KIRREL3: variants seen among roughly 807,000 people sequenced by gnomAD.
KIRREL3 encodes kin of IRRE-like protein 3.
Under a neutral mutation model 89.7 loss-of-function variants are expected in KIRREL3, and 36 were observed. That is an observed-to-expected ratio of 0.40 (90% CI 0.31 to 0.53). The LOEUF is 0.53. KIRREL3 is among the 20% of genes least tolerant of loss of function. KIRREL3 has a pLI of 0.49. For synonymous variants in KIRREL3, 445 were observed against 441.4 expected, an observed-to-expected ratio of 1.01 and a Z score of -0.10; for missense variants, 864 against 1,056.6, an observed-to-expected ratio of 0.82 and a Z score of 2.53.
At chr11:126,426,395 C>T (rs901006275) in intron 15 of KIRREL3, among the ~76,000 whole-genome samples, 4 of 152,194 alleles carry the variant, frequency 2.6e-5, no homozygotes, top group Admixed American at 2.6e-4. Flanking sequence ...TGGTTCAGTG[C>T]TTTGCATGTT....
chr11:126,879,006 C>T lies in KIRREL3; in HGVS notation c.55+121449G>A, dbSNP rs1945397835. Among the ~76,000 whole-genome samples, 1 of 152,162 alleles carries T rather than the reference C, an allele frequency of 6.6e-6. No homozygotes were observed. Among genetic ancestry groups the T allele is most frequent in the Non-Finnish European group, 1.5e-5 (1 of 68,026 alleles). On this transcript the variant is annotated intron_variant, in intron 1 of 16. Coordinates refer to ENST00000525144, the MANE Select transcript of KIRREL3 (RefSeq NM_032531.4). The surrounding 1 kb of genome is among the most constrained non-coding windows in gnomAD (Gnocchi z 5.4). ...TGCAATATTAAAGACGATCTCTCTC[C>T]TAATCAGTGTATCTTTCTTCCTTAC... is the stretch of plus-strand genomic sequence containing the variant.
chr11:126,738,341 G>T (rs1389630167), intron 1 of KIRREL3, among the ~76,000 whole-genome samples: 2 of 152,046 alleles, frequency 1.3e-5, no homozygotes, highest in Non-Finnish European at 2.9e-5. Flanking sequence ...GCGCTCTCTT[G>T]CTTCCTCACT....
intron 1 of KIRREL3, among the ~76,000 whole-genome samples, chr11:126,803,272 T>A (rs915181139): frequency 6.6e-6 from 1 of 152,074 alleles, no homozygotes; most frequent in African/African-American, 2.4e-5. Context: ...TGAACACAAC[T>A]GAGCTGGGCC....
rs1948894068 is a variant in KIRREL3, at chr11:126,739,006, T to C, written c.56-176094A>G. Among the ~76,000 whole-genome samples the C allele has an allele frequency of 6.6e-6, 1 of 152,218 alleles. No individual in the cohort carries two copies. Among genetic ancestry groups the C allele is most frequent in the Non-Finnish European group, 1.5e-5 (1 of 68,044 alleles). On this transcript the variant is annotated intron_variant, in intron 1 of 16. Transcript: ENST00000525144. This position sits in a 1 kb window ranked among gnomAD's most constrained non-coding sequence, Gnocchi z 5.5. ...TCAGATATATATTATCTAATTCTCA[T>C]AACACTACAACAATCTTGAAAGGCG...
At chr11:126,460,194 C>A (rs899830492) in intron 6 of KIRREL3, among the ~76,000 whole-genome samples, 1 of 152,064 alleles carries the variant, frequency 6.6e-6, no homozygotes, top group African/African-American at 2.4e-5. Context: ...AGGCTAGGGG[C>A]GGTGAGCGCG....
intron 1 of KIRREL3, among the ~76,000 whole-genome samples, chr11:126,836,436 G>A (rs111809140): frequency 0.013 from 2,044 of 151,770 alleles, 46 homozygotes; most frequent in African/African-American, 0.047. Flanking sequence ...TATGATAAGG[G>A]TCTGAGCCAA....
intron 1 of KIRREL3, among the ~76,000 whole-genome samples, chr11:126,626,423 A>C (rs915842573): frequency 2.0e-5 from 3 of 152,244 alleles, no homozygotes; most frequent in African/African-American, 7.2e-5. Context: ...AGTAACCAGC[A>C]TGGCATGTGC....
rs1254367768 is a variant in KIRREL3, at chr11:126,694,063, C to G, written c.56-131151G>C. Among the ~76,000 whole-genome samples the G allele has an allele frequency of 6.6e-6, 1 of 152,208 alleles. No individual in the cohort carries two copies. The highest frequency in any genetic ancestry group is 1.5e-5 in the Non-Finnish European group (1 of 68,034). ...GGAAGCGGCACAGCTCACAGTCACA[C>G]TAGGACAACTTGGAAGTTGAATTGG... On this transcript the variant is annotated intron_variant, in intron 1 of 16. Transcript: ENST00000525144. The surrounding 1 kb of genome is among the most constrained non-coding windows in gnomAD (Gnocchi z 4.4).
chr11:126,521,267 C>G lies in KIRREL3; in HGVS notation c.433+48G>C. On this transcript the variant is annotated intron_variant, in intron 4 of 16. Transcript: ENST00000525144. The surrounding 1 kb of genome is among the most constrained non-coding windows in gnomAD (Gnocchi z 4.1). ...AAAAATACCCTCTTGGAGCTGAGCC[C>G]TTGGTGCTTCACGCAGTGTCCCAGC... 1 of 1,472,096 alleles carries G rather than the reference C, an allele frequency of 6.8e-7. No homozygotes were observed. The highest frequency in any genetic ancestry group is 9.1e-7 in the Non-Finnish European group (1 of 1,103,178). 91.2% of individuals were successfully genotyped at this position (1,472,096 alleles called of 1,614,324 possible). A position where few individuals can be genotyped will look rare whatever the true frequency, so the allele number is the denominator to read the frequency against.
At chr11:126,863,550 A>C (rs193197466) in intron 1 of KIRREL3, among the ~76,000 whole-genome samples, 2 of 111,548 alleles carry the variant, frequency 1.8e-5, no homozygotes, top group Non-Finnish European at 3.7e-5. Flanking sequence ...TGAGTGTGTG[A>C]GTGCATGTGT....
chr11:126,518,995 A>T (rs1433651464), intron 4 of KIRREL3, among the ~76,000 whole-genome samples: 1 of 152,246 alleles, frequency 6.6e-6, no homozygotes, highest in Non-Finnish European at 1.5e-5. Flanking sequence ...AGGCTGATGG[A>T]CAAGATGCTG....
At position 126,642,174 on chromosome 11, in the gene KIRREL3, A is replaced by G. The variant is rs999550; in HGVS notation, c.56-79262T>C. Among the ~76,000 whole-genome samples, 6,454 of 152,286 alleles carry G rather than the reference A, an allele frequency of 0.042. 354 individuals carry two copies. The highest frequency in any genetic ancestry group is 0.11 in the African/African-American group (4,725 of 41,534). On this transcript the variant is annotated intron_variant, in intron 1 of 16. Coordinates refer to ENST00000525144, the MANE Select transcript of KIRREL3 (RefSeq NM_032531.4). The surrounding 1 kb of genome is among the most constrained non-coding windows in gnomAD (Gnocchi z 4.9). ...CTCCAACAATCTTGTTAGTGCATCA[A>G]GTAATAGATTTTTGACAGATGCTTT...
At chr11:126,546,226 T>C (rs1380247554) in intron 2 of KIRREL3, among the ~76,000 whole-genome samples, 1 of 152,238 alleles carries the variant, frequency 6.6e-6, no homozygotes, top group African/African-American at 2.4e-5. Flanking sequence ...TCCAAACAGC[T>C]GAGCTTGGAT....
chr11:126,446,453 G>C (rs948596541), intron 9 of KIRREL3, among the ~76,000 whole-genome samples: 5 of 151,606 alleles, frequency 3.3e-5, no homozygotes, highest in African/African-American at 1.2e-4. Context: ...CTACAGGTGT[G>C]TGCCACTGTG....
At chr11:126,634,446 C>T (rs571348) in intron 1 of KIRREL3, among the ~76,000 whole-genome samples, 29,328 of 152,160 alleles carry the variant, frequency 0.19, 3,615 homozygotes, top group Non-Finnish European at 0.27. Flanking sequence ...CTAACATCTA[C>T]CCTCTCTCGT....
rs1944023824 is a variant in KIRREL3, at chr11:126,843,233, A to G, written c.55+157222T>C. ...AAAACAAGAAAAAAACACTAATGGA[A>G]AACCCACTGATGCAGTTCAAACTGT... On this transcript the variant is annotated intron_variant, in intron 1 of 16. Transcript: ENST00000525144. This position sits in a 1 kb window ranked among gnomAD's most constrained non-coding sequence, Gnocchi z 4.6. Among the ~76,000 whole-genome samples the G allele has an allele frequency of 6.6e-6, 1 of 152,202 alleles. No homozygotes were observed. Among genetic ancestry groups the G allele is most frequent in the Non-Finnish European group, 1.5e-5 (1 of 68,028 alleles).
rs1220391181 is a variant in KIRREL3, at chr11:126,970,792, G to A, written c.55+29663C>T. 6.6e-6 allele frequency among the ~76,000 whole-genome samples: 1 copy of A among 152,114 alleles called. No homozygotes were observed. Among genetic ancestry groups the A allele is most frequent in the South Asian group, 2.1e-4 (1 of 4,822 alleles). The stretch of plus-strand genomic sequence containing the variant: ...TAGAACATTGCTTCCATGAGAACAA[G>A]GTTTTCCTAGTTTCAAATAAGTGAT... On this transcript the variant is annotated intron_variant, in intron 1 of 16. Coordinates refer to ENST00000525144, the MANE Select transcript of KIRREL3 (RefSeq NM_032531.4). The surrounding 1 kb of genome is among the most constrained non-coding windows in gnomAD (Gnocchi z 4.4).
intron 1 of KIRREL3, among the ~76,000 whole-genome samples, chr11:126,852,049 CTTTTTTTT>C (rs10579989): frequency 9.7e-6 from 1 of 103,622 alleles, no homozygotes; most frequent in Non-Finnish European, 1.9e-5. Context: ...GGGCTATAAC[CTTTTTTTT>C]TTTTTTTTTT....
At chr11:126,545,162 G>A (rs61898758) in intron 2 of KIRREL3, among the ~76,000 whole-genome samples, 4,374 of 152,206 alleles carry the variant, frequency 0.029, 98 homozygotes, top group Non-Finnish European at 0.041. Context: ...CTGGTGGGGC[G>A]GCAGGTTTAA....
Sources: gnomAD v4.1 joint callset for allele counts (sites outside exome capture counted in the v4.1 genomes callset) on GRCh38, gnomAD v4.1.1 for gene constraint, Gnocchi (gnomAD v3.1) non-coding constraint, MANE v1.5 for transcripts, NCBI Gene and HGNC (gene_info 2026-07-23, HGNC 2026-07-21) for gene names.